Variants in MATN4 observed in about 807,000 individuals in gnomAD.
MATN4 encodes matrilin 4, also known as matrilin-4.
A neutral mutation model predicts 54.6 loss-of-function variants in MATN4; 40 were observed. The ratio of observed to expected loss-of-function variants is 0.73; its 90% CI spans 0.57 to 0.95. The LOEUF (loss-of-function observed/expected upper bound fraction) is 0.95, where lower values mean the gene tolerates loss of function less well. Among genes scored for constraint, MATN4 ranks in the 40% least tolerant of loss-of-function variants. MATN4 has a pLI of 0.00. For synonymous variants in MATN4, 351 were observed against 345.3 expected (o/e 1.02, Z -0.18); for missense variants, 810 against 819.1 (o/e 0.99, Z 0.13).
intron 8 of MATN4, among the ~76,000 whole-genome samples, chr20:45,294,915 C>G (rs1484104671): frequency 6.6e-6 from 1 of 152,052 alleles, no homozygotes; most frequent in Non-Finnish European, 1.5e-5. Flanking sequence ...GAGCACAAAC[C>G]CTATTGTAAA....
chr20:45,296,177 T>C (rs1426060484), intron 8 of MATN4, among the ~76,000 whole-genome samples: 2 of 121,118 alleles, frequency 1.7e-5, no homozygotes, highest in African/African-American at 6.6e-5. Flanking sequence ...ATCGCACCAC[T>C]GCACTCCAGC....
Position 45,304,390 on chromosome 20 carries a change from C to T in MATN4, c.481G>A (p.Ala161Thr). The change falls in exon 3 of 10, where the codon GCG (alanine) becomes ACG (threonine). Residue 161 changes from alanine (A) to threonine (T), a missense_variant. Transcript: ENST00000372756. The part of the protein sequence containing the change: ...QDRVAEVAAQ[A>T]RARGIEIYAV... ...TAAATTTCAATGCCGCGGGCGCGCG[C>T]CTGTGCCGCCACCTCGGCCACGCGG... 6.6e-7 allele frequency: 1 copy of T among 1,504,060 alleles called. No individual in the cohort carries two copies. 93.2% of individuals were successfully genotyped at this position (1,504,060 alleles called of 1,614,324 possible). A position where few individuals can be genotyped will look rare whatever the true frequency, so the allele number is the denominator to read the frequency against.
Position 45,301,391 on chromosome 20 carries a change from A to G in MATN4, c.696T>C (p.Asn232=). The change falls in exon 4 of 10, where the codon AAT becomes AAC. Residue 232 remains asparagine, a synonymous_variant. Transcript: ENST00000372756. ...GTHGCEHHCV[N]SPGSYFCHCQ... ...AGTGACAGAAATAGGAGCCTGGGGAATTGACGCAGTGGTGCTCACATCCAT... is the reference window on the plus strand; with the variant it reads ...AGTGACAGAAATAGGAGCCTGGGGAGTTGACGCAGTGGTGCTCACATCCAT... 1 of 1,614,164 alleles carries G rather than the reference A, an allele frequency of 6.2e-7. No homozygotes were observed. Among genetic ancestry groups the G allele is most frequent in the South Asian group, 1.1e-5 (1 of 91,088 alleles).
chr20:45,302,367 T>C (rs1463009659), intron 3 of MATN4, among the ~76,000 whole-genome samples: 3 of 152,238 alleles, frequency 2.0e-5, no homozygotes, highest in African/African-American at 7.2e-5. Flanking sequence ...CAGGTTGTTG[T>C]GAGGCTGAGA....
chr20:45,293,601 C>T lies in MATN4; in HGVS notation c.*166G>A, dbSNP rs79118294. On this transcript the variant is annotated 3_prime_UTR_variant, in exon 10 of 10. Transcript: ENST00000372756. Reference sequence around the variant, plus strand: ...TGACGCCGCAGTCCGCCTAATGGTCCGGGCGAGGCCAACTCAGCTCAATGC... The same window carrying T: ...TGACGCCGCAGTCCGCCTAATGGTCTGGGCGAGGCCAACTCAGCTCAATGC... The T allele has an allele frequency of 5.1e-3, 3,084 of 607,242 alleles. 79 individuals are homozygous for T. The African/African-American group carries it at 0.054, about 11-fold the overall frequency. The allele number at this position is 607,242 out of a possible 1,614,324, so 37.6% of individuals were successfully genotyped here.
At chr20:45,299,633 T>TGAGC (rs1986085172) in intron 6 of MATN4, among the ~76,000 whole-genome samples, 1 of 151,962 alleles carries the variant, frequency 6.6e-6, no homozygotes, top group Non-Finnish European at 1.5e-5. Flanking sequence ...CTCCCAGCAC[T>TGAGC]TTGGGAGGCT....
intron 8 of MATN4, among the ~76,000 whole-genome samples, chr20:45,294,263 TGTGTAC>T (rs1183133740): frequency 1.5e-5 from 2 of 130,072 alleles, no homozygotes; most frequent in Non-Finnish European, 3.2e-5. Context: ...TTCATTCACC[TGTGTAC>T]GTGTGTGTGT....
At chr20:45,304,069 G>A (rs1469913794) in intron 3 of MATN4, among the ~76,000 whole-genome samples, 159 bp downstream of exon 3, 1 of 152,156 alleles carries the variant, frequency 6.6e-6, no homozygotes, top group African/African-American at 2.4e-5. Flanking sequence ...GAGCAGAAGT[G>A]GTCAGAGCTG....
rs566641272 is a variant in MATN4 at position 45,298,346 on chromosome 20, T to C, written c.1250A>G (p.Tyr417Cys). The C allele has an allele frequency of 3.1e-6, 5 of 1,613,414 alleles. No individual in the cohort carries two copies. Among genetic ancestry groups the C allele is most frequent in the East Asian group, 4.5e-5 (2 of 44,880 alleles). The stretch of plus-strand genomic sequence containing the variant: ...CCCTGTCATGGTGCCGCGTTCCATG[T>C]ACTCCACGGCCAGGACCGCCTGCTT... ...EVKQAVLAVE[Y>C]MERGTMTGLA... Residue 417 changes from tyrosine to cysteine, a missense_variant, in exon 7 of 10, where the codon TAC (tyrosine) becomes TGC (cysteine). By Grantham distance (194) the Tyr-to-Cys change is radical. Transcript: ENST00000372756. This position sits in a 1 kb window ranked among gnomAD's most constrained non-coding sequence, Gnocchi z 4.6.
chr20:45,298,468 A>C lies in MATN4; in HGVS notation c.1128T>G (p.Asp376Glu). 6.2e-7 allele frequency: 1 copy of C among 1,613,840 alleles called. No homozygotes were observed. Reference protein sequence around the residue: ...RFVNQIVDFLDVSPEGTRVGL... With the variant: ...RFVNQIVDFLEVSPEGTRVGL... ...CCACCCGCGTGCCCTCGGGGGACAC[A>C]TCTAGGAAGTCCACAATCTGGTTCA... The change falls in exon 7 of 10, where the codon GAT (aspartate) becomes GAG (glutamate). Residue 376 changes from aspartate (D) to glutamate (E), a missense_variant. Coordinates refer to ENST00000372756, the MANE Select transcript of MATN4 (RefSeq NM_001393530.1). This position sits in a 1 kb window ranked among gnomAD's most constrained non-coding sequence, Gnocchi z 4.6.
rs1029529138 is a variant in MATN4, at chr20:45,298,964, C to T, written c.1013-381G>A. Among the ~76,000 whole-genome samples, 1 of 152,202 alleles carries T rather than the reference C, an allele frequency of 6.6e-6. No homozygotes were observed. The highest frequency in any genetic ancestry group is 2.4e-5 in the African/African-American group (1 of 41,436). Reference sequence around the variant, plus strand: ...TAATAACAAAAACATTATTTACCGACAGCTTACCATGTGGTAGGTACTGGG... The same window carrying T: ...TAATAACAAAAACATTATTTACCGATAGCTTACCATGTGGTAGGTACTGGG... On this transcript the variant is annotated intron_variant, in intron 6 of 9. Transcript: ENST00000372756. This position sits in a 1 kb window ranked among gnomAD's most constrained non-coding sequence, Gnocchi z 4.6.
chr20:45,305,432 G>T, intron 2 of MATN4, 78 bp downstream of exon 2: 1 of 1,151,540 alleles, frequency 8.7e-7, no homozygotes, highest in Non-Finnish European at 1.3e-6. Flanking sequence ...CCTCTCCCCA[G>T]CAGGAGGAGC....
Position 45,298,108 on chromosome 20 carries a change from G to C in MATN4, c.1427-38C>G, listed in dbSNP as rs1261456860. 1 of 1,603,960 alleles carries C rather than the reference G, an allele frequency of 6.2e-7. No homozygotes were observed. ...GGTCTCAGAGGGTGCCCCAGGCCTC[G>C]GGAAAGCTGCCTCCCAGCGTCTGAC... On this transcript the variant is annotated intron_variant, in intron 7 of 9. Coordinates refer to ENST00000372756, the MANE Select transcript of MATN4 (RefSeq NM_001393530.1). The surrounding 1 kb of genome is among the most constrained non-coding windows in gnomAD (Gnocchi z 4.6).
At chr20:45,295,304 T>C (rs1985741425) in intron 8 of MATN4, among the ~76,000 whole-genome samples, 1 of 152,212 alleles carries the variant, frequency 6.6e-6, no homozygotes, top group Non-Finnish European at 1.5e-5. Context: ...AGCATCGGCA[T>C]CGTGTAGGAA....
rs987384087 is a variant in MATN4, at chr20:45,293,677, G to T, written c.*90C>A. On this transcript the variant is annotated 3_prime_UTR_variant, in exon 10 of 10. Transcript: ENST00000372756. The stretch of plus-strand genomic sequence containing the variant: ...CGACAGCCCAAGCCGGACGGGCCCA[G>T]GTTCTGCCTGGCCCCGGCGCACCGA... 1.6e-6 allele frequency: 2 copies of T among 1,284,058 alleles called. No individual in the cohort carries two copies. Among genetic ancestry groups the T allele is most frequent in the Admixed American group, 5.4e-5 (2 of 37,158 alleles). 79.5% of individuals were successfully genotyped at this position (1,284,058 alleles called of 1,614,324 possible). A position where few individuals can be genotyped will look rare whatever the true frequency, so the allele number is the denominator to read the frequency against.
chr20:45,305,805 C>CTGTTTTTTTTTTTTTTTTTT (rs1986593667), intron 1 of MATN4, among the ~76,000 whole-genome samples, 189 bp from the exon 2 acceptor site: 1 of 64,676 alleles, frequency 1.5e-5, no homozygotes, highest in Non-Finnish European at 2.6e-5. Context: ...ACAAGAGATT[C>CTGTTTTTTTTTTTTTTTTTT]TTTTTTTTTT....
At chr20:45,308,121 C>T in intron 1 of MATN4, 54 bp downstream of exon 1, 3 of 1,570,036 alleles carry the variant, frequency 1.9e-6, no homozygotes, top group Non-Finnish European at 2.6e-6. Context: ...CCTGACCTGG[C>T]TTGATGCCTA....
At position 45,298,081 on chromosome 20, in the gene MATN4, G is replaced by A. The variant is rs376487043; in HGVS notation, c.1427-11C>T. ...CGTACATGACGATGCCTGCAAGGCC[G>A]GGGTCTCAGAGGGTGCCCCAGGCCT... On this transcript the variant is annotated splice_polypyrimidine_tract_variant and intron_variant, in intron 7 of 9. Transcript: ENST00000372756. The surrounding 1 kb of genome is among the most constrained non-coding windows in gnomAD (Gnocchi z 4.6). 3.7e-6 allele frequency: 6 copies of A among 1,610,342 alleles called. No homozygotes were observed. The highest frequency in any genetic ancestry group is 1.3e-5 in the African/African-American group (1 of 74,890).
intron 1 of MATN4, among the ~76,000 whole-genome samples, chr20:45,306,122 T>G (rs1413297005): frequency 6.6e-6 from 1 of 151,704 alleles, no homozygotes; most frequent in Non-Finnish European, 1.5e-5. Flanking sequence ...GAATGGTAAA[T>G]AAGAATAGAT....
Sources: allele counts gnomAD v4.1 joint callset (sites outside exome capture counted in the v4.1 genomes callset), GRCh38; gene constraint gnomAD v4.1.1; non-coding constraint Gnocchi (gnomAD v3.1); transcripts MANE v1.5; gene names NCBI Gene and HGNC (gene_info 2026-07-23, HGNC 2026-07-21).